The following MTHFS variants were observed in gnomAD, a reference collection of about 807,000 sequenced individuals.
The protein encoded by MTHFS is methenyltetrahydrofolate synthetase.
MTHFS carries 7 observed loss-of-function variants against 12.7 expected under a neutral mutation model. That is an observed-to-expected ratio of 0.55 (90% CI 0.31 to 1.03). The LOEUF (loss-of-function observed/expected upper bound fraction) is 1.03, where lower values mean the gene tolerates loss of function less well. Among genes scored for constraint, MTHFS ranks in the 50% least tolerant of loss-of-function variants. MTHFS has a pLI of 0.05. For synonymous variants in MTHFS, 100 were observed against 97.1 expected (o/e 1.03, Z -0.18); for missense variants, 252 against 258.1 (o/e 0.98, Z 0.16).
intron 2 of MTHFS, among the ~76,000 whole-genome samples, chr15:79,859,381 G>A (rs530521349): frequency 6.6e-6 from 1 of 152,284 alleles, no homozygotes; most frequent in East Asian, 1.9e-4. Flanking sequence ...GCCAAAATAG[G>A]CAGATTCCAC....
At chr15:79,888,252 G>A (rs559815148) in intron 2 of MTHFS, among the ~76,000 whole-genome samples, 23 of 152,172 alleles carry the variant, frequency 1.5e-4, no homozygotes, top group Non-Finnish European at 2.2e-4. Context: ...GATACTCAGA[G>A]TGGCTGGAAC....
At chr15:79,862,702 T>C (rs1334025845) in intron 2 of MTHFS, among the ~76,000 whole-genome samples, 7 of 152,248 alleles carry the variant, frequency 4.6e-5, no homozygotes, top group South Asian at 2.1e-4. Context: ...TGCTGTTTTC[T>C]CCTTTTAGCT....
At chr15:79,880,368 C>G (rs1010121863) in intron 2 of MTHFS, among the ~76,000 whole-genome samples, 2 of 152,086 alleles carry the variant, frequency 1.3e-5, no homozygotes, top group African/African-American at 4.8e-5. Context: ...GTGTGAGCCA[C>G]TGCGCCCGGC....
At chr15:79,880,759 T>C (rs1245821309) in intron 2 of MTHFS, among the ~76,000 whole-genome samples, 2 of 146,834 alleles carry the variant, frequency 1.4e-5, no homozygotes, top group African/African-American at 5.0e-5. Flanking sequence ...CTCTATTAAA[T>C]AGTGGACTCC....
intron 2 of MTHFS, among the ~76,000 whole-genome samples, chr15:79,881,939 G>A (rs1205195942): frequency 6.6e-6 from 1 of 152,142 alleles, no homozygotes; most frequent in Non-Finnish European, 1.5e-5. Flanking sequence ...GGACAGTAAG[G>A]GTTCACTCTC....
chr15:79,860,009 A>G (rs2033882558), intron 2 of MTHFS, among the ~76,000 whole-genome samples: 1 of 152,196 alleles, frequency 6.6e-6, no homozygotes, highest in Non-Finnish European at 1.5e-5. Flanking sequence ...TCCTAAAAGA[A>G]AACATTAATA....
At chr15:79,861,438 ATT>A (rs2033911621) in intron 2 of MTHFS, among the ~76,000 whole-genome samples, 1 of 152,168 alleles carries the variant, frequency 6.6e-6, no homozygotes, top group Non-Finnish European at 1.5e-5. Flanking sequence ...ATGCACGTTC[ATT>A]TGTTATTTCG....
At chr15:79,858,035 A>C (rs1364562627) in intron 2 of MTHFS, among the ~76,000 whole-genome samples, 3 of 151,266 alleles carry the variant, frequency 2.0e-5, no homozygotes, top group African/African-American at 4.9e-5. Flanking sequence ...AAAAAAAAAA[A>C]CATAATCCTC....
intron 2 of MTHFS, chr15:79,876,246 T>C (rs2034192285): frequency 6.6e-6 from 1 of 152,230 alleles, no homozygotes; most frequent in East Asian, 1.9e-4. Context: ...TGGGCCAAGA[T>C]ATTCAATTTA....
chr15:79,852,820 T>C (rs577701557), intron 2 of MTHFS, among the ~76,000 whole-genome samples: 1 of 152,322 alleles, frequency 6.6e-6, no homozygotes, highest in East Asian at 1.9e-4. Flanking sequence ...GCATCTTATA[T>C]TTAAAACCCA....
At chr15:79,896,725 C>G in intron 1 of MTHFS, 147 bp downstream of exon 1, 1 of 937,886 alleles carries the variant, frequency 1.1e-6, no homozygotes, top group Non-Finnish European at 1.4e-6. Flanking sequence ...GGCGTGCGCG[C>G]GCCGGGAGGG....
In MTHFS at chr15:79,861,062, G is replaced by GTCA. The variant is rs566444581; in HGVS notation, c.380-15623_380-15621dup. 2.2e-3 allele frequency among the ~76,000 whole-genome samples: 341 copies of GTCA among 152,230 alleles called. 1 individual carries two copies. Among genetic ancestry groups the GTCA allele is most frequent in the African/African-American group, 7.7e-3 (319 of 41,534 alleles). On this transcript the variant is annotated intron_variant, in intron 2 of 2. Transcript: ENST00000258874. ...TAGTTCATGTGGAATAGTCATCGTC[G>GTCA]TCATCATCATCATCAAGCACTTATA... is the stretch of plus-strand genomic sequence containing the variant.
intron 2 of MTHFS, among the ~76,000 whole-genome samples, chr15:79,868,372 AT>A (rs2034047619): frequency 6.6e-6 from 1 of 152,166 alleles, no homozygotes; most frequent in Non-Finnish European, 1.5e-5. Context: ...GGAGCAGATT[AT>A]TTCCTCATAG....
intron 2 of MTHFS, chr15:79,876,038 A>G (rs1049071503): frequency 3.3e-5 from 5 of 152,154 alleles, no homozygotes; most frequent in Non-Finnish European, 5.9e-5. Context: ...TCATAGGGAG[A>G]TATGTGCTAA....
intron 1 of MTHFS, among the ~76,000 whole-genome samples, chr15:79,893,663 A>G (rs1298018951): frequency 3.3e-5 from 5 of 151,342 alleles, no homozygotes; most frequent in Non-Finnish European, 5.9e-5. Flanking sequence ...ACGCCACTGC[A>G]TAACAGCCTG....
chr15:79,846,302 T>A (rs1479533211), intron 2 of MTHFS, among the ~76,000 whole-genome samples: 1 of 152,218 alleles, frequency 6.6e-6, no homozygotes, highest in African/African-American at 2.4e-5. Flanking sequence ...CCACATTACA[T>A]GTCAAACCCA....
intron 2 of MTHFS, among the ~76,000 whole-genome samples, chr15:79,853,215 A>C (rs562503093): frequency 2.0e-5 from 3 of 152,238 alleles, no homozygotes; most frequent in Non-Finnish European, 4.4e-5. Context: ...TTACACTTTC[A>C]TAGTACTCTT....
intron 2 of MTHFS, among the ~76,000 whole-genome samples, chr15:79,871,369 C>T (rs549467165): frequency 6.6e-6 from 1 of 152,030 alleles, no homozygotes; most frequent in South Asian, 2.1e-4. Flanking sequence ...ACAAAGGTAA[C>T]AGAAAGAAGG....
intron 2 of MTHFS, among the ~76,000 whole-genome samples, chr15:79,868,751 G>C (rs562653571): frequency 6.6e-6 from 1 of 152,172 alleles, no homozygotes; most frequent in African/African-American, 2.4e-5. Flanking sequence ...TCAGTCCTTC[G>C]GACTTTGAGT....
Sources: allele counts gnomAD v4.1 joint callset (sites outside exome capture counted in the v4.1 genomes callset), GRCh38; gene constraint gnomAD v4.1.1; transcripts MANE v1.5; gene names NCBI Gene and HGNC (gene_info 2026-07-23, HGNC 2026-07-21).